The following MAP7 variants were observed in gnomAD, a reference collection of about 807,000 sequenced individuals.
MAP7 encodes ensconsin.
MAP7 carries 52 observed loss-of-function variants against 94.8 expected under a neutral mutation model. The observed-to-expected ratio is 0.55, with a 90% CI of 0.44 to 0.69. The LOEUF (loss-of-function observed/expected upper bound fraction) is 0.69, where lower values mean the gene tolerates loss of function less well. Among genes scored for constraint, MAP7 ranks in the 30% least tolerant of loss-of-function variants. The pLI, the probability that MAP7 is intolerant of heterozygous loss-of-function variation, is 0.00. For synonymous variants in MAP7, 350 were observed against 357.0 expected (o/e 0.98, Z 0.22); for missense variants, 940 against 964.6 (o/e 0.97, Z 0.34).
chr6:136,393,072 G>A (rs544779259), intron 3 of MAP7, among the ~76,000 whole-genome samples: 5 of 152,130 alleles, frequency 3.3e-5, no homozygotes, highest in Non-Finnish European at 7.4e-5. Flanking sequence ...CAGGCTTTCT[G>A]ACTTATTAAT....
At chr6:136,542,112 A>G (rs544249852) in intron 1 of MAP7, among the ~76,000 whole-genome samples, 1 of 152,324 alleles carries the variant, frequency 6.6e-6, no homozygotes, top group South Asian at 2.1e-4. Context: ...AAAATCTTAC[A>G]GATCTTTTTC....
At chr6:136,475,025 T>C (rs929618758) in intron 1 of MAP7, among the ~76,000 whole-genome samples, 1 of 152,184 alleles carries the variant, frequency 6.6e-6, no homozygotes, top group African/African-American at 2.4e-5. Flanking sequence ...CAATCTAAAA[T>C]TTTTATAATT....
At chr6:136,538,100 T>C (rs1829028855) in intron 1 of MAP7, among the ~76,000 whole-genome samples, 1 of 152,218 alleles carries the variant, frequency 6.6e-6, no homozygotes, top group Non-Finnish European at 1.5e-5. Flanking sequence ...TTAAAAGATA[T>C]AAAATTCTAA....
intron 1 of MAP7, among the ~76,000 whole-genome samples, chr6:136,472,199 G>T (rs1809259021): frequency 6.6e-6 from 1 of 152,118 alleles, no homozygotes; most frequent in South Asian, 2.1e-4. Context: ...GTGAAATATT[G>T]TCTGAACTCA....
chr6:136,461,919 A>C (rs1805358988), intron 1 of MAP7, among the ~76,000 whole-genome samples: 1 of 152,174 alleles, frequency 6.6e-6, no homozygotes, highest in Admixed American at 6.5e-5. Context: ...TCAAATCTGT[A>C]TTCTCACATA....
chr6:136,360,052 A>C, intron 13 of MAP7, 21 bp from the exon 14 acceptor site: 1 of 1,598,934 alleles, frequency 6.3e-7, no homozygotes, highest in Admixed American at 1.7e-5. Context: ...GGAAGAATTG[A>C]GCAAGAAGAT....
At chr6:136,406,401 A>C (rs1192132212) in intron 3 of MAP7, among the ~76,000 whole-genome samples, 1 of 152,138 alleles carries the variant, frequency 6.6e-6, no homozygotes, top group Non-Finnish European at 1.5e-5. Context: ...AACTCCTAAA[A>C]CTTCTGAAAA....
chr6:136,472,043 T>C (rs1269542140), intron 1 of MAP7, among the ~76,000 whole-genome samples: 1 of 152,216 alleles, frequency 6.6e-6, no homozygotes, highest in Non-Finnish European at 1.5e-5. Flanking sequence ...AGTCAAATGC[T>C]AGACTCTTTC....
At chr6:136,377,438 G>T (rs1776490618) in intron 7 of MAP7, among the ~76,000 whole-genome samples, 1 of 152,156 alleles carries the variant, frequency 6.6e-6, no homozygotes, top group African/African-American at 2.4e-5. Flanking sequence ...TGGATTATCT[G>T]CTCAGAGACA....
At chr6:136,484,263 T>C (rs866955134) in intron 1 of MAP7, among the ~76,000 whole-genome samples, 2 of 152,206 alleles carry the variant, frequency 1.3e-5, no homozygotes, top group Non-Finnish European at 2.9e-5. Context: ...TCATACTTTT[T>C]CTCCTAAAGT....
chr6:136,452,204 A>AAACAG (rs1275845258), intron 1 of MAP7, among the ~76,000 whole-genome samples: 12 of 139,898 alleles, frequency 8.6e-5, no homozygotes, highest in Non-Finnish European at 1.7e-4. Context: ...AAACAAAACA[A>AAACAG]AACAAAACAA....
chr6:136,458,814 G>A (rs540152914), intron 1 of MAP7, among the ~76,000 whole-genome samples: 1 of 152,172 alleles, frequency 6.6e-6, no homozygotes, highest in East Asian at 1.9e-4. Context: ...TAGAAAAAAA[G>A]ATAGGGAGAA....
At chr6:136,352,198 T>TC (rs938917350) in intron 16 of MAP7, among the ~76,000 whole-genome samples, 2 of 151,228 alleles carry the variant, frequency 1.3e-5, no homozygotes, top group Non-Finnish European at 3.0e-5. Flanking sequence ...GTATTTTTTT[T>TC]TTTTTTTTTA....
At chr6:136,486,263 A>C (rs1376999840) in intron 1 of MAP7, among the ~76,000 whole-genome samples, 1 of 152,228 alleles carries the variant, frequency 6.6e-6, no homozygotes, top group African/African-American at 2.4e-5. Flanking sequence ...ATGAAGATCT[A>C]CATTATGTGC....
intron 2 of MAP7, among the ~76,000 whole-genome samples, chr6:136,418,339 T>C (rs1790187658): frequency 6.6e-6 from 1 of 152,148 alleles, no homozygotes; most frequent in Non-Finnish European, 1.5e-5. Flanking sequence ...CTCAGCCTCC[T>C]GAGTAGCTGG....
At chr6:136,526,689 G>C in intron 1 of MAP7, 2 of 985,450 alleles carry the variant, frequency 2.0e-6, no homozygotes, top group Non-Finnish European at 2.4e-6. Flanking sequence ...GCTTGCACAA[G>C]CAGCAGTAGA....
chr6:136,459,803 A>C (rs902913877), intron 1 of MAP7, among the ~76,000 whole-genome samples: 2 of 152,164 alleles, frequency 1.3e-5, no homozygotes, highest in Non-Finnish European at 2.9e-5. Flanking sequence ...ATGCAAGATG[A>C]GTAAGTTCTA....
Position 136,421,794 on chromosome 6 carries a change from C to G in MAP7, c.73G>C (p.Asp25His). 1.9e-6 allele frequency: 3 copies of G among 1,607,098 alleles called. No individual in the cohort carries two copies. Among genetic ancestry groups the G allele is most frequent in the Non-Finnish European group, 1.7e-6 (2 of 1,178,046 alleles). The change falls in exon 2 of 18, where the codon GAC (aspartate) becomes CAC (histidine). Residue 25 changes from aspartate (D) to histidine (H), a missense_variant. Asp to His is a moderately conservative substitution (Grantham distance 81). Transcript: ENST00000354570. ...TTCTTATCTTGCACTTTGTAGCTGT[C>G]GGGTGCTACAGAAATGAGACAAAAG... is the stretch of plus-strand genomic sequence containing the variant. ...DGAVRSETAP[D>H]SYKVQDKKNA...
chr6:136,367,072 C>A (rs1383872119), intron 8 of MAP7, among the ~76,000 whole-genome samples: 1 of 152,084 alleles, frequency 6.6e-6, no homozygotes, highest in Non-Finnish European at 1.5e-5. Context: ...TTTTTTTGCT[C>A]TTCCTTACCA....
Sources: allele counts gnomAD v4.1 joint callset (sites outside exome capture counted in the v4.1 genomes callset), GRCh38; gene constraint gnomAD v4.1.1; transcripts MANE v1.5; gene names NCBI Gene and HGNC (gene_info 2026-07-23, HGNC 2026-07-21).